The following COL23A1 variants were observed in gnomAD, a reference collection of about 807,000 sequenced individuals.
The protein encoded by COL23A1 is collagen type XXIII alpha 1 chain.
A neutral mutation model predicts 99.3 loss-of-function variants in COL23A1; 97 were observed. That is an observed-to-expected ratio of 0.98 (90% CI 0.83 to 1.16). The LOEUF (loss-of-function observed/expected upper bound fraction) is 1.16, where lower values mean the gene tolerates loss of function less well. COL23A1 is among the 50% of genes most tolerant of loss of function. The pLI is 0.00. For synonymous variants in COL23A1, 320 were observed against 308.2 expected, an observed-to-expected ratio of 1.04 and a Z score of -0.40; for missense variants, 762 against 757.4, an observed-to-expected ratio of 1.01 and a Z score of -0.07.
intron 5 of COL23A1, among the ~76,000 whole-genome samples, chr5:178,283,687 T>C (rs1757015932): frequency 1.3e-5 from 2 of 152,184 alleles, no homozygotes; most frequent in South Asian, 2.1e-4. Context: ...AAAGCAAACA[T>C]TGTGACATTG....
intron 2 of COL23A1, among the ~76,000 whole-genome samples, chr5:178,474,029 T>C (rs867749826): frequency 1.3e-5 from 2 of 152,348 alleles, no homozygotes; most frequent in Middle Eastern, 6.8e-3. Context: ...ACAGGAAAGC[T>C]GACGTCATCA....
chr5:178,447,222 T>G (rs929122522), intron 2 of COL23A1, among the ~76,000 whole-genome samples: 1 of 151,972 alleles, frequency 6.6e-6, no homozygotes, highest in Non-Finnish European at 1.5e-5. Context: ...GCCTCCCGAG[T>G]AGCTGGGATT....
At chr5:178,256,462 CT>C in intron 14 of COL23A1, 65 bp from the exon 15 acceptor site, 3 of 1,469,042 alleles carry the variant, frequency 2.0e-6, no homozygotes, top group Non-Finnish European at 2.8e-6. Context: ...TCCCACGACC[CT>C]GCCCCCAGTC....
chr5:178,257,657 G>T lies in COL23A1; in HGVS notation c.730-90C>A, dbSNP rs183087069. 1,179 of 1,333,074 alleles carry T rather than the reference G, an allele frequency of 8.8e-4. 4 individuals carry two copies. Among genetic ancestry groups the T allele is most frequent in the Non-Finnish European group, 1.1e-3 (1,010 of 949,874 alleles). 82.6% of individuals were successfully genotyped at this position (1,333,074 alleles called of 1,614,324 possible). A position where few individuals can be genotyped will look rare whatever the true frequency, so the allele number is the denominator to read the frequency against. ...TCTGGACTTCCCAGCACACCAGTCT[G>T]CTCCTGGCATCTGCACTGGCACATG... On this transcript the variant is annotated intron_variant, in intron 12 of 28. Coordinates refer to ENST00000390654, the MANE Select transcript of COL23A1 (RefSeq NM_173465.4).
chr5:178,446,070 AT>A (rs1767143919), intron 2 of COL23A1, among the ~76,000 whole-genome samples: 2 of 151,892 alleles, frequency 1.3e-5, no homozygotes, highest in Admixed American at 6.5e-5. Context: ...AAACAAGAAA[AT>A]TTTTTTAATC....
intron 5 of COL23A1, among the ~76,000 whole-genome samples, chr5:178,271,961 C>T (rs1756313917): frequency 2.0e-5 from 3 of 152,226 alleles, no homozygotes; most frequent in Admixed American, 2.0e-4. Context: ...AGCCTTCGCT[C>T]AGGCTGTCCC....
At chr5:178,462,671 C>G (rs1397671589) in intron 2 of COL23A1, among the ~76,000 whole-genome samples, 1 of 152,152 alleles carries the variant, frequency 6.6e-6, no homozygotes, top group Non-Finnish European at 1.5e-5. Flanking sequence ...TTAATTTTGA[C>G]TCTGCATTAC....
rs149539682 is a variant in COL23A1 at position 178,293,184 on chromosome 5, G to A, written c.407-2815C>T. On this transcript the variant is annotated intron_variant, in intron 3 of 28. Transcript: ENST00000390654. ...GTATTTCTTTAGGATGAGAGACATG[G>A]CCACATGTTTGTAGGATGAGAGTGG... 1.6e-3 allele frequency among the ~76,000 whole-genome samples: 245 copies of A among 152,124 alleles called. 2 individuals are homozygous for A. The highest frequency in any genetic ancestry group is 5.6e-3 in the African/African-American group (231 of 41,524).
rs1286372518 is a variant in COL23A1 at position 178,384,260 on chromosome 5, C to T, written c.362-77341G>A. ...CTGCGATCGCAAATGCACGCAGCTC[C>T]CCGCCCAGGGCAGTTCTCAAAACCT... On this transcript the variant is annotated intron_variant, in intron 2 of 28. Coordinates refer to ENST00000390654, the MANE Select transcript of COL23A1 (RefSeq NM_173465.4). This position sits in a 1 kb window ranked among gnomAD's most constrained non-coding sequence, Gnocchi z 5.5. Among the ~76,000 whole-genome samples the T allele has an allele frequency of 6.6e-6, 1 of 152,240 alleles. No individual in the cohort carries two copies. Among genetic ancestry groups the T allele is most frequent in the East Asian group, 1.9e-4 (1 of 5,198 alleles).
intron 1 of COL23A1, among the ~76,000 whole-genome samples, chr5:178,571,845 G>A (rs919215239): frequency 1.5e-4 from 23 of 152,218 alleles, no homozygotes; most frequent in Admixed American, 1.1e-3. Context: ...CGAGGCGGGC[G>A]GATCACAAGG....
At chr5:178,397,247 G>T (rs551728964) in intron 2 of COL23A1, among the ~76,000 whole-genome samples, 1 of 152,216 alleles carries the variant, frequency 6.6e-6, no homozygotes, top group Non-Finnish European at 1.5e-5. Flanking sequence ...CGGATACACC[G>T]GGGGCAGAGC....
chr5:178,306,604 G>C lies in COL23A1; in HGVS notation c.406+271C>G, dbSNP rs373817138. On this transcript the variant is annotated intron_variant, in intron 3 of 28. Coordinates refer to ENST00000390654, the MANE Select transcript of COL23A1 (RefSeq NM_173465.4). The surrounding 1 kb of genome is among the most constrained non-coding windows in gnomAD (Gnocchi z 4.1). Reference sequence around the variant, plus strand: ...CAGAGAGAGGGGGCTGCTCTGGAGTGGGGGACTAGGGGCCAACAACGAGGT... The same window carrying C: ...CAGAGAGAGGGGGCTGCTCTGGAGTCGGGGACTAGGGGCCAACAACGAGGT... 1.5e-4 allele frequency among the ~76,000 whole-genome samples: 23 copies of C among 150,686 alleles called. No homozygotes were observed. Among genetic ancestry groups the C allele is most frequent in the African/African-American group, 5.6e-4 (23 of 40,954 alleles).
chr5:178,411,863 G>C (rs1765073239), intron 2 of COL23A1, among the ~76,000 whole-genome samples: 1 of 152,228 alleles, frequency 6.6e-6, no homozygotes, highest in Non-Finnish European at 1.5e-5. Context: ...AGCATTGGTA[G>C]AACATTTAAA....
At chr5:178,363,741 C>T (rs574715891) in intron 2 of COL23A1, among the ~76,000 whole-genome samples, 7 of 152,228 alleles carry the variant, frequency 4.6e-5, no homozygotes, top group African/African-American at 7.2e-5. Context: ...TGGCTCACTG[C>T]GCTAGAGTTT....
In COL23A1 at chr5:178,284,761, GA is replaced by G. The variant is rs1300809304; in HGVS notation, c.441+3562del. On this transcript the variant is annotated intron_variant, in intron 5 of 28. Transcript: ENST00000390654. The stretch of plus-strand genomic sequence containing the variant: ...AGAAAAGTCTCATGCTATATTTAGT[GA>G]AAAAAATAGTACAAAAAAGTATGTC... Among the ~76,000 whole-genome samples, 5 of 152,060 alleles carry G rather than the reference GA, an allele frequency of 3.3e-5. No individual in the cohort carries two copies. The East Asian group carries it at 5.8e-4, about 18-fold the overall frequency.
At chr5:178,461,320 G>A (rs1756110846) in intron 2 of COL23A1, among the ~76,000 whole-genome samples, 2 of 152,180 alleles carry the variant, frequency 1.3e-5, no homozygotes, top group East Asian at 1.9e-4. Flanking sequence ...AGGGGCAGCC[G>A]CGGCAAAGAC....
chr5:178,302,040 G>GTGCGCCGA (rs1758076783), intron 3 of COL23A1, among the ~76,000 whole-genome samples: 1 of 23,588 alleles, frequency 4.2e-5, no homozygotes, highest in Non-Finnish European at 1.2e-4. Flanking sequence ...GTGTGTGCTG[G>GTGCGCCGA]AGCACGGCTT....
chr5:178,404,431 G>A (rs1764640864), intron 2 of COL23A1, among the ~76,000 whole-genome samples: 1 of 152,198 alleles, frequency 6.6e-6, no homozygotes, highest in South Asian at 2.1e-4. Flanking sequence ...GGAGATTCTT[G>A]AGCTGTGTCC....
At chr5:178,427,955 G>A (rs1436666219) in intron 2 of COL23A1, among the ~76,000 whole-genome samples, 1 of 152,172 alleles carries the variant, frequency 6.6e-6, no homozygotes. Context: ...TAACTGTGGA[G>A]TTTGGGTGAT....
Sources: allele counts gnomAD v4.1 joint callset (sites outside exome capture counted in the v4.1 genomes callset), GRCh38; gene constraint gnomAD v4.1.1; non-coding constraint Gnocchi (gnomAD v3.1); transcripts MANE v1.5; gene names NCBI Gene and HGNC (gene_info 2026-07-23, HGNC 2026-07-21).